The following STK3 variants were observed in gnomAD, a reference collection of about 807,000 sequenced individuals.
The protein encoded by STK3 is serine/threonine kinase 3.
In STK3, 41 loss-of-function variants were observed where a neutral mutation model predicts 58.0. The ratio of observed to expected loss-of-function variants is 0.71; its 90% CI spans 0.55 to 0.92. STK3 has a LOEUF of 0.92. Ranked by LOEUF, STK3 falls within the 40% of genes least tolerant of loss-of-function variation. The pLI is 0.00. For synonymous variants in STK3, 170 were observed against 191.0 expected (o/e 0.89, Z 0.91); for missense variants, 479 against 602.7 (o/e 0.79, Z 2.15).
rs555729406 is a variant in STK3 at position 98,915,269 on chromosome 8, C to T, written c.-79+27109G>A. Among the ~76,000 whole-genome samples, 9 of 151,872 alleles carry T rather than the reference C, an allele frequency of 5.9e-5. No individual in the cohort carries two copies. In the East Asian group the frequency reaches 1.4e-3, roughly 23 times the overall value. On this transcript the variant is annotated intron_variant, in intron 1 of 1. Coordinates refer to the STK3 transcript ENST00000519420. ...ATAAAAAGAGAGACTGGCCTAACCT[C>T]CCGGACTATATCTTTCTCCCATGCT...
intron 10 of STK3, among the ~76,000 whole-genome samples, chr8:98,488,629 A>G (rs1011872594): frequency 1.3e-5 from 2 of 152,232 alleles, no homozygotes; most frequent in Non-Finnish European, 2.9e-5. Flanking sequence ...ATCATGTCTC[A>G]AAGAATGAAC....
chr8:98,936,687 C>T (rs149745753), intron 1 of STK3, among the ~76,000 whole-genome samples: 201 of 152,328 alleles, frequency 1.3e-3, no homozygotes, highest in Middle Eastern at 6.8e-3. Context: ...TGGGCCTGGG[C>T]GGGCCCACCA....
chr8:98,710,599 C>T (rs534125885), intron 4 of STK3, among the ~76,000 whole-genome samples: 2 of 152,322 alleles, frequency 1.3e-5, no homozygotes, highest in Non-Finnish European at 2.9e-5. Flanking sequence ...GGGGGAGGGG[C>T]GCCTGCCATT....
intron 9 of STK3, among the ~76,000 whole-genome samples, chr8:98,546,155 T>G (rs1194377158): frequency 6.6e-6 from 1 of 152,158 alleles, no homozygotes; most frequent in Admixed American, 6.6e-5. Flanking sequence ...TCAAAATTGG[T>G]TTTCACTAAA....
chr8:98,576,282 A>T (rs1217233638), intron 8 of STK3, among the ~76,000 whole-genome samples: 2 of 152,208 alleles, frequency 1.3e-5, no homozygotes, highest in Admixed American at 1.3e-4. Context: ...TGCTAGTACT[A>T]CACTGATTTG....
intron 4 of STK3, among the ~76,000 whole-genome samples, chr8:98,714,718 T>G (rs1376743720): frequency 6.6e-6 from 1 of 152,212 alleles, no homozygotes; most frequent in Admixed American, 6.5e-5. Flanking sequence ...CAAGGTAATT[T>G]ATAGATTCAA....
intron 6 of STK3, among the ~76,000 whole-genome samples, chr8:98,639,931 T>C (rs886432596): frequency 1.3e-5 from 2 of 152,080 alleles, no homozygotes; most frequent in Non-Finnish European, 2.9e-5. Flanking sequence ...GCCAACATGG[T>C]GAAACCCCAT....
rs578254685 is a variant in STK3, at chr8:98,463,765, T to C, written c.1318-7765A>G. Among the ~76,000 whole-genome samples, 6 of 152,252 alleles carry C rather than the reference T, an allele frequency of 3.9e-5. No homozygotes were observed. In the East Asian group the frequency reaches 9.6e-4, roughly 24 times the overall value. On this transcript the variant is annotated intron_variant, in intron 10 of 10. Transcript: ENST00000419617. ...CTATATAATTTTGTTTTGTCAAAAA[T>C]AGTCGTAATTACATGAGCGATTTTT...
At chr8:98,634,651 G>A (rs1819502839) in intron 6 of STK3, among the ~76,000 whole-genome samples, 1 of 152,088 alleles carries the variant, frequency 6.6e-6, no homozygotes, top group African/African-American at 2.4e-5. Context: ...AAAACAACTT[G>A]GAGATATTGG....
chr8:98,428,747 C>T lies in STK3; in HGVS notation n.483+5380G>A. 1 of 1,614,218 alleles carries T rather than the reference C, an allele frequency of 6.2e-7. No homozygotes were observed. On this transcript the variant is annotated intron_variant and non_coding_transcript_variant, in intron 3 of 3. Transcript: ENST00000517832. This position sits in a 1 kb window ranked among gnomAD's most constrained non-coding sequence, Gnocchi z 6.7. ...TGGCCCCTGACTTCCTCAAGTTCTT[C>T]AAGAATGCCCTAAACCTTATTGACC...
intron 6 of STK3, among the ~76,000 whole-genome samples, chr8:98,685,891 C>G (rs13269932): frequency 2.0e-5 from 3 of 151,686 alleles, no homozygotes; most frequent in African/African-American, 7.3e-5. Flanking sequence ...AAGATAAGGG[C>G]AGGTTCAAGG....
chr8:98,569,783 T>C (rs1413072081), intron 8 of STK3, among the ~76,000 whole-genome samples: 1 of 151,868 alleles, frequency 6.6e-6, no homozygotes, highest in African/African-American at 2.4e-5. Context: ...TCAATTCTTT[T>C]ACAAGTTTTC....
chr8:98,371,771 A>G (rs1327036007), intron 2 of STK3: 2 of 152,190 alleles, frequency 1.3e-5, no homozygotes, highest in Non-Finnish European at 2.9e-5. Context: ...TCTCAGTTGC[A>G]TTGAGGGCTC....
At chr8:98,788,502 A>G (rs1381606045) in intron 1 of STK3, among the ~76,000 whole-genome samples, 1 of 152,122 alleles carries the variant, frequency 6.6e-6, no homozygotes, top group Non-Finnish European at 1.5e-5. Context: ...ACGGATAAGA[A>G]TTCACCAACC....
chr8:98,561,089 A>G (rs895800535), intron 8 of STK3, among the ~76,000 whole-genome samples: 1 of 152,108 alleles, frequency 6.6e-6, no homozygotes, highest in African/African-American at 2.4e-5. Flanking sequence ...CCAATCTTAA[A>G]ACTTCTATAA....
chr8:98,856,931 C>G (rs1395338921), intron 3 of STK3, among the ~76,000 whole-genome samples: 1 of 152,010 alleles, frequency 6.6e-6, no homozygotes, highest in East Asian at 1.9e-4. Flanking sequence ...GAAAACATTA[C>G]AGTAAGGGAA....
intron 6 of STK3, among the ~76,000 whole-genome samples, chr8:98,614,591 A>G (rs891973699): frequency 6.7e-6 from 1 of 149,612 alleles, no homozygotes; most frequent in African/African-American, 2.6e-5. Context: ...GGCGCAGGCC[A>G]GTGGGTGTGC....
intron 6 of STK3, among the ~76,000 whole-genome samples, chr8:98,653,923 A>T (rs1362292807): frequency 1.3e-5 from 2 of 152,208 alleles, no homozygotes; most frequent in Non-Finnish European, 2.9e-5. Context: ...AACTGGTACC[A>T]TTCCTTCTGA....
chr8:98,760,342 G>A (rs1005549323), intron 3 of STK3, among the ~76,000 whole-genome samples: 10 of 152,006 alleles, frequency 6.6e-5, no homozygotes, highest in African/African-American at 2.2e-4. Flanking sequence ...GTCTCACTAC[G>A]TTATCCAGGC....
Sources: gnomAD v4.1 joint callset for allele counts (sites outside exome capture counted in the v4.1 genomes callset) on GRCh38, gnomAD v4.1.1 for gene constraint, Gnocchi (gnomAD v3.1) non-coding constraint, MANE v1.5 for transcripts, NCBI Gene and HGNC (gene_info 2026-07-23, HGNC 2026-07-21) for gene names.